Variants in DGLUCY observed in about 807,000 individuals in gnomAD.
The protein encoded by DGLUCY is D-glutamate cyclase, also known as D-glutamate cyclase, mitochondrial.
In DGLUCY, 58 loss-of-function variants were observed where a neutral mutation model predicts 58.5. That is an observed-to-expected ratio of 0.99 (90% CI 0.80 to 1.23). DGLUCY has a LOEUF of 1.23. DGLUCY is among the 50% of genes most tolerant of loss of function. The pLI, the probability that DGLUCY is intolerant of heterozygous loss-of-function variation, is 0.00. For missense variants in DGLUCY, 779 were observed against 784.7 expected (o/e 0.99, Z 0.09); for synonymous variants, 325 against 314.1 (o/e 1.03, Z -0.37).
intron 1 of DGLUCY, among the ~76,000 whole-genome samples, chr14:91,099,322 C>G (rs1354302251): frequency 6.6e-6 from 1 of 152,104 alleles, no homozygotes; most frequent in Non-Finnish European, 1.5e-5. Flanking sequence ...CACTTGAGGT[C>G]AGGAGCTCGA....
At chr14:91,136,830 G>C (rs747488560) in intron 1 of DGLUCY, among the ~76,000 whole-genome samples, 7 of 151,694 alleles carry the variant, frequency 4.6e-5, no homozygotes, top group African/African-American at 1.7e-4. Flanking sequence ...TTAGTCAGGC[G>C]TGGTGGTACA....
intron 1 of DGLUCY, among the ~76,000 whole-genome samples, chr14:91,122,437 G>A (rs1319018725): frequency 3.3e-4 from 50 of 151,868 alleles, no homozygotes; most frequent in Admixed American, 3.3e-3. Flanking sequence ...ACAGGCGTGA[G>A]CCATTGTACC....
intron 13 of DGLUCY, among the ~76,000 whole-genome samples, chr14:91,221,223 C>T (rs748320850): frequency 1.6e-4 from 24 of 152,244 alleles, no homozygotes; most frequent in Non-Finnish European, 3.1e-4. Flanking sequence ...GAAGAGGACC[C>T]TGTTATTCAC....
intron 1 of DGLUCY, among the ~76,000 whole-genome samples, chr14:91,125,146 A>G (rs1198550025): frequency 6.6e-6 from 1 of 152,230 alleles, no homozygotes; most frequent in Non-Finnish European, 1.5e-5. Context: ...GTCAGGTTAT[A>G]AATGACCCTG....
intron 1 of DGLUCY, among the ~76,000 whole-genome samples, chr14:91,139,192 T>TCC (rs1351186334): frequency 6.6e-6 from 1 of 152,018 alleles, no homozygotes; most frequent in Non-Finnish European, 1.5e-5. Flanking sequence ...ATGGGGCAAA[T>TCC]CCCAGTACAG....
chr14:91,144,287 C>T (rs1456255973), intron 1 of DGLUCY, among the ~76,000 whole-genome samples: 1 of 152,094 alleles, frequency 6.6e-6, no homozygotes, highest in Non-Finnish European at 1.5e-5. Context: ...ACAGGAAGAG[C>T]AGGGCTGGGC....
intron 5 of DGLUCY, 138 bp from the exon 6 acceptor site, chr14:91,173,151 C>T: frequency 1.1e-6 from 1 of 951,960 alleles, no homozygotes; most frequent in Non-Finnish European, 1.6e-6. Context: ...CTCTATGTCA[C>T]ATAAAAATAG....
chr14:91,140,867 G>T (rs187983680), intron 1 of DGLUCY, among the ~76,000 whole-genome samples: 1 of 152,232 alleles, frequency 6.6e-6, no homozygotes, highest in African/African-American at 2.4e-5. Context: ...TTAGACTCAG[G>T]CTCTCTCTTG....
In DGLUCY at chr14:91,170,160, A is replaced by C; in HGVS notation, c.415A>C (p.Arg139=). Residue 139 remains arginine (R), a synonymous_variant, in exon 5 of 14, where the codon AGA becomes CGA. Transcript: ENST00000256324. ...GGCCTTGGAGAAAGCGGGGCTCCCC[A>C]GAAGAGACCCAGCAGGTCACAGCCA... is the stretch of plus-strand genomic sequence containing the variant. ...EEALEKAGLP[R]RDPAGHSQAG... is the part of the protein sequence containing the mutation. 5 of 1,613,746 alleles carry C rather than the reference A, an allele frequency of 3.1e-6. No individual in the cohort carries two copies. Among genetic ancestry groups the C allele is most frequent in the Non-Finnish European group, 4.2e-6 (5 of 1,180,034 alleles).
chr14:91,077,595 T>G (rs1566932117), intron 1 of DGLUCY, among the ~76,000 whole-genome samples: 1 of 151,472 alleles, frequency 6.6e-6, no homozygotes, highest in Non-Finnish European at 1.5e-5. Flanking sequence ...CTATTAAAAA[T>G]ACAAAAATTA....
intron 1 of DGLUCY, among the ~76,000 whole-genome samples, chr14:91,089,956 C>G (rs140363588): frequency 5.3e-5 from 8 of 152,242 alleles, no homozygotes; most frequent in African/African-American, 1.7e-4. Flanking sequence ...CCGGAATGGT[C>G]TCATACAAGC....
Position 91,190,649 on chromosome 14 carries a change from G to T in DGLUCY, c.1195+1479G>T, listed in dbSNP as rs192659748. 1.7e-3 allele frequency among the ~76,000 whole-genome samples: 252 copies of T among 152,266 alleles called. 1 individual carries two copies. Among genetic ancestry groups the T allele is most frequent in the Admixed American group, 6.9e-3 (106 of 15,284 alleles). On this transcript the variant is annotated intron_variant, in intron 9 of 13. Coordinates refer to ENST00000256324, the MANE Select transcript of DGLUCY (RefSeq NM_001102368.3). ...GCTGGGGCAGAGGTCATTAGGTGGA[G>T]TGGGGGCCCAGTGGGTTTAAGAGAG...
intron 1 of DGLUCY, among the ~76,000 whole-genome samples, chr14:91,132,627 C>T (rs1439029762): frequency 3.9e-5 from 6 of 151,956 alleles, no homozygotes; most frequent in African/African-American, 9.7e-5. Context: ...TACAGGCGCC[C>T]GCCACTGCGC....
chr14:91,109,756 A>G (rs1343266020), upstream of DGLUCY, among the ~76,000 whole-genome samples: 1 of 152,158 alleles, frequency 6.6e-6, no homozygotes, highest in African/African-American at 2.4e-5. Flanking sequence ...TGTAACCCTA[A>G]CTACCTCCCA....
chr14:91,199,462 G>T (rs1451226444), intron 10 of DGLUCY, among the ~76,000 whole-genome samples: 1 of 111,310 alleles, frequency 9.0e-6, no homozygotes, highest in Non-Finnish European at 2.2e-5. Flanking sequence ...CATGTTGGCC[G>T]GGCTGTTCTC....
intron 1 of DGLUCY, among the ~76,000 whole-genome samples, chr14:91,141,033 TTGTC>T (rs920243486): frequency 1.3e-5 from 2 of 152,150 alleles, no homozygotes; most frequent in African/African-American, 2.4e-5. Flanking sequence ...ATGGCCGAGT[TTGTC>T]TGTTATTTCT....
At chr14:91,190,148 C>T (rs932501867) in intron 9 of DGLUCY, among the ~76,000 whole-genome samples, 2 of 151,556 alleles carry the variant, frequency 1.3e-5, no homozygotes, top group East Asian at 1.9e-4. Context: ...CTACCACGCC[C>T]GGCTAATTTT....
At position 91,205,392 on chromosome 14, in the gene DGLUCY, G is replaced by C. The variant is rs988473457; in HGVS notation, c.1564+567G>C. On this transcript the variant is annotated intron_variant, in intron 12 of 13. Transcript: ENST00000256324. ...GCAGGACCCACCTTTCCTGTGTCCA[G>C]GTCCGTCTAGGTGTGGCCTCCTCCT... Among the ~76,000 whole-genome samples the C allele has an allele frequency of 5.3e-5, 8 of 152,242 alleles. No homozygotes were observed. The East Asian group carries it at 1.5e-3, about 29-fold the overall frequency.
intron 1 of DGLUCY, among the ~76,000 whole-genome samples, chr14:91,108,712 AT>A (rs1267133234): frequency 1.3e-5 from 2 of 151,674 alleles, no homozygotes; most frequent in African/African-American, 4.9e-5. Context: ...TAATTTTTGT[AT>A]TTTCAGTAGA....
Sources: gnomAD v4.1 joint callset for allele counts (sites outside exome capture counted in the v4.1 genomes callset) on GRCh38, gnomAD v4.1.1 for gene constraint, MANE v1.5 for transcripts, NCBI Gene and HGNC (gene_info 2026-07-23, HGNC 2026-07-21) for gene names.